SLC6A17: variants seen among roughly 807,000 people sequenced by gnomAD.
The protein encoded by SLC6A17 is solute carrier family 6 member 17.
SLC6A17 carries 21 observed loss-of-function variants against 64.5 expected under a neutral mutation model. The ratio of observed to expected loss-of-function variants is 0.33; its 90% CI spans 0.23 to 0.47. The LOEUF is 0.47. Among genes scored for constraint, SLC6A17 ranks in the 20% least tolerant of loss-of-function variants. SLC6A17 has a pLI of 1.00. For missense variants in SLC6A17, 682 were observed against 963.2 expected (o/e 0.71, Z 3.86); for synonymous variants, 372 against 399.5 (o/e 0.93, Z 0.82).
intron 6 of SLC6A17, among the ~76,000 whole-genome samples, chr1:110,184,605 A>G (rs1656629174): frequency 6.6e-6 from 1 of 152,212 alleles, no homozygotes; most frequent in Non-Finnish European, 1.5e-5. Context: ...GGGCAACAGC[A>G]GAAGGGGCAG....
At chr1:110,175,776 C>T (rs1257603136) in intron 5 of SLC6A17, among the ~76,000 whole-genome samples, 1 of 152,224 alleles carries the variant, frequency 6.6e-6, no homozygotes, top group Non-Finnish European at 1.5e-5. Flanking sequence ...CCATTGACCT[C>T]TTCCCTTTCC....
chr1:110,179,649 G>A (rs941223547), intron 6 of SLC6A17, among the ~76,000 whole-genome samples: 2 of 150,902 alleles, frequency 1.3e-5, no homozygotes, highest in Admixed American at 6.6e-5. Context: ...CACCTCCCGG[G>A]TTCAAGCTAT....
chr1:110,190,183 C>T (rs1467875715), intron 6 of SLC6A17, among the ~76,000 whole-genome samples: 1 of 152,064 alleles, frequency 6.6e-6, no homozygotes, highest in African/African-American at 2.4e-5. Context: ...GGGAGAGGGT[C>T]TCCTCATAGA....
At chr1:110,171,683 G>C (rs1479701570) in intron 2 of SLC6A17, among the ~76,000 whole-genome samples, 1 of 152,092 alleles carries the variant, frequency 6.6e-6, no homozygotes, top group Non-Finnish European at 1.5e-5. Flanking sequence ...CTGTGGTCAG[G>C]AGGGGGTGTG....
intron 1 of SLC6A17, among the ~76,000 whole-genome samples, chr1:110,164,373 G>A (rs545809863): frequency 1.3e-5 from 2 of 152,340 alleles, no homozygotes; most frequent in South Asian, 2.1e-4. Flanking sequence ...GGGCAATTCA[G>A]TTCCTCTCTC....
At position 110,194,612 on chromosome 1, in the gene SLC6A17, T is replaced by G. The variant is rs1428325191; in HGVS notation, c.1333T>G (p.Phe445Val). The change falls in exon 9 of 12, where the codon TTC becomes GTC. Residue 445 changes from phenylalanine to valine, a missense_variant. Physicochemically the swap from Phe to Val is conservative, Grantham distance 50 (BLOSUM62 -1). Transcript: ENST00000331565. ...GGGCACAGGCCTGGCCTTCATCGCC[T>G]TCACTGAGGCCATGACGCACTTCCC... ...VQGTGLAFIA[F>V]TEAMTHFPAS... 2 of 1,614,200 alleles carry G rather than the reference T, an allele frequency of 1.2e-6. No homozygotes were observed. Among genetic ancestry groups the G allele is most frequent in the Non-Finnish European group, 1.7e-6 (2 of 1,180,046 alleles).
chr1:110,182,522 AAGAC>A (rs1466672045), intron 6 of SLC6A17, among the ~76,000 whole-genome samples: 1 of 152,124 alleles, frequency 6.6e-6, no homozygotes, highest in East Asian at 1.9e-4. Context: ...AGAATGAACA[AAGAC>A]AGAGAAGAGA....
intron 10 of SLC6A17, among the ~76,000 whole-genome samples, chr1:110,197,123 G>A (rs144395835): frequency 1.2e-3 from 180 of 152,264 alleles, no homozygotes; most frequent in African/African-American, 4.2e-3. Flanking sequence ...GTGTGAAAGG[G>A]CTAGGCCCCT....
chr1:110,174,194 G>A (rs1252459493), intron 4 of SLC6A17, 95 bp downstream of exon 4: 3 of 1,511,126 alleles, frequency 2.0e-6, no homozygotes, highest in Non-Finnish European at 2.7e-6. Context: ...CAGACTTGTT[G>A]TGTCCCCTTG....
chr1:110,151,876 T>G (rs771104227), intron 1 of SLC6A17, among the ~76,000 whole-genome samples: 15 of 151,988 alleles, frequency 9.9e-5, no homozygotes, highest in Admixed American at 4.6e-4. Context: ...AATTCAGCTG[T>G]GAACTTGAGG....
intron 6 of SLC6A17, chr1:110,177,943 A>T (rs1408668846): frequency 6.6e-6 from 1 of 152,252 alleles, no homozygotes; most frequent in Non-Finnish European, 1.5e-5. Flanking sequence ...TCAGAGGTTT[A>T]CACGTGACCA....
At chr1:110,161,239 C>T (rs1395755411) in intron 1 of SLC6A17, among the ~76,000 whole-genome samples, 3 of 152,132 alleles carry the variant, frequency 2.0e-5, no homozygotes, top group African/African-American at 4.8e-5. Flanking sequence ...CTCAGGGGCT[C>T]TGAGGTAATT....
At chr1:110,188,672 C>G (rs1054648812) in intron 6 of SLC6A17, among the ~76,000 whole-genome samples, 1 of 152,194 alleles carries the variant, frequency 6.6e-6, no homozygotes, top group African/African-American at 2.4e-5. Flanking sequence ...CCCTACCCTC[C>G]AGCTTTTCAA....
At chr1:110,183,610 T>G (rs1656588471) in intron 6 of SLC6A17, among the ~76,000 whole-genome samples, 1 of 151,970 alleles carries the variant, frequency 6.6e-6, no homozygotes, top group Non-Finnish European at 1.5e-5. Flanking sequence ...CTTAAAAAAT[T>G]CAAAAAAGAG....
In SLC6A17 at chr1:110,198,445, C is replaced by T; in HGVS notation, c.*1C>T. ...CAGCACCCCTGAGTCGGAGCTGTGACCACTGCCCAAGCCCTGCCCGCCTCT... is the reference window on the plus strand; with the variant it reads ...CAGCACCCCTGAGTCGGAGCTGTGATCACTGCCCAAGCCCTGCCCGCCTCT... On this transcript the variant is annotated 3_prime_UTR_variant, in exon 12 of 12. Coordinates refer to ENST00000331565, the MANE Select transcript of SLC6A17 (RefSeq NM_001010898.4). The T allele has an allele frequency of 1.9e-6, 3 of 1,601,374 alleles. No individual in the cohort carries two copies. Among genetic ancestry groups the T allele is most frequent in the Non-Finnish European group, 2.6e-6 (3 of 1,173,396 alleles).
chr1:110,168,785 C>T (rs931716153), intron 2 of SLC6A17, among the ~76,000 whole-genome samples: 2 of 152,200 alleles, frequency 1.3e-5, no homozygotes, highest in African/African-American at 4.8e-5. Context: ...ATTCCAGAAT[C>T]CCTTTCTATG....
intron 6 of SLC6A17, among the ~76,000 whole-genome samples, chr1:110,185,628 G>T (rs10776704): frequency 0.5 from 75,420 of 151,632 alleles, 18,901 homozygotes; most frequent in South Asian, 0.63. Flanking sequence ...GGGGCGAGCC[G>T]CCTTTTCTGA....
chr1:110,193,250 T>C (rs1656878082), intron 8 of SLC6A17, among the ~76,000 whole-genome samples: 1 of 152,204 alleles, frequency 6.6e-6, no homozygotes, highest in Non-Finnish European at 1.5e-5. Context: ...CCAGAGCCCA[T>C]GCTCAGGATC....
Position 110,194,764 on chromosome 1 carries a change from G to A in SLC6A17, c.1485G>A (p.Met495Ile). ...ACACCTTCAAGGTGCCCAAGGAGAT[G>A]TTCACAGGTAACTCCTCCCTGCCCC... ...IIDTFKVPKE[M>I]FTVGCCVFAF... Residue 495 changes from methionine (M) to isoleucine (I), a missense_variant, in exon 9 of 12, where the codon ATG (methionine) becomes ATA (isoleucine). Physicochemically the swap from Met to Ile is conservative, Grantham distance 10. This residue lies in a region of SLC6A17 where 264 missense variants were observed against 339.5 expected (regional missense o/e 0.78). Coordinates refer to ENST00000331565, the MANE Select transcript of SLC6A17 (RefSeq NM_001010898.4). 8 of 1,613,254 alleles carry A rather than the reference G, an allele frequency of 5.0e-6. No individual in the cohort carries two copies. The highest frequency in any genetic ancestry group is 5.9e-6 in the Non-Finnish European group (7 of 1,180,024).
Sources: gnomAD v4.1 joint callset for allele counts (sites outside exome capture counted in the v4.1 genomes callset) on GRCh38, gnomAD v4.1.1 for gene constraint, gnomAD v4.1.1 regional missense constraint, MANE v1.5 for transcripts, NCBI Gene and HGNC (gene_info 2026-07-23, HGNC 2026-07-21) for gene names.